FAM81B: variants seen among roughly 807,000 people sequenced by gnomAD.
The protein encoded by FAM81B is family with sequence similarity 81 member B, also known as protein FAM81B.
In FAM81B, 60 loss-of-function variants were observed where a neutral mutation model predicts 58.7. The ratio of observed to expected loss-of-function variants is 1.02; its 90% confidence interval spans 0.83 to 1.27. FAM81B has a LOEUF of 1.27. Among genes scored for constraint, FAM81B ranks in the 50% most tolerant of loss-of-function variants. FAM81B has a pLI of 0.00. For synonymous variants in FAM81B, 189 were observed against 179.6 expected (o/e 1.05, Z -0.42); for missense variants, 491 against 522.0 (o/e 0.94, Z 0.58).
chr5:95,409,634 C>CT (rs1476626401), intron 3 of FAM81B, among the ~76,000 whole-genome samples: 1 of 152,118 alleles, frequency 6.6e-6, no homozygotes, highest in African/African-American at 2.4e-5. Flanking sequence ...GCATGAGCCC[C>CT]TCTTCTTCCT....
At chr5:95,426,678 T>C (rs888059540) in intron 5 of FAM81B, among the ~76,000 whole-genome samples, 16 of 152,190 alleles carry the variant, frequency 1.1e-4, no homozygotes, top group African/African-American at 3.9e-4. Flanking sequence ...AGACAAGTTG[T>C]ACAACTGTAT....
chr5:95,426,220 A>G (rs1454074537), intron 5 of FAM81B, among the ~76,000 whole-genome samples: 3 of 151,636 alleles, frequency 2.0e-5, no homozygotes, highest in African/African-American at 7.3e-5. Flanking sequence ...GAAAGAGCTT[A>G]ACTTTCCTCT....
In FAM81B at chr5:95,391,384, G is replaced by A. The variant is rs749203848; in HGVS notation, c.-6G>A. The A allele has an allele frequency of 6.2e-7, 1 of 1,612,088 alleles. No homozygotes were observed. The highest frequency in any genetic ancestry group is 8.5e-7 in the Non-Finnish European group (1 of 1,178,944). On this transcript the variant is annotated 5_prime_UTR_variant, in exon 1 of 10. Transcript: ENST00000283357. Reference sequence around the variant, plus strand: ...AGGCCCCAGAAACAGGAAGACCTTAGTTAGGATGCAATTACAATTCCTTGG... The same window carrying A: ...AGGCCCCAGAAACAGGAAGACCTTAATTAGGATGCAATTACAATTCCTTGG...
chr5:95,450,063 TA>T, intron 9 of FAM81B, 85 bp from the exon 10 acceptor site: 1 of 1,410,474 alleles, frequency 7.1e-7, no homozygotes. Flanking sequence ...GATAATCAAT[TA>T]TGGCAGGACT....
Position 95,414,149 on chromosome 5 carries a change from A to G in FAM81B, c.496A>G (p.Thr166Ala), listed in dbSNP as rs912928245. The G allele has an allele frequency of 6.2e-7, 1 of 1,613,958 alleles. No individual in the cohort carries two copies. The highest frequency in any genetic ancestry group is 2.2e-5 in the East Asian group (1 of 44,876). The change falls in exon 4 of 10, where the codon ACC becomes GCC. Residue 166 changes from threonine to alanine, a missense_variant. Physicochemically the swap from Thr to Ala is moderately conservative, Grantham distance 58. Coordinates refer to ENST00000283357, the MANE Select transcript of FAM81B (RefSeq NM_152548.3). ...ARKLLESHIQ[T>A]ITSIVKKLSQ... The stretch of plus-strand genomic sequence containing the variant: ...GAAGTTACTGGAAAGCCACATCCAG[A>G]CCATCACCAGCATCGTCAAAAAACT...
At chr5:95,410,520 A>C (rs1228601184) in intron 3 of FAM81B, among the ~76,000 whole-genome samples, 1 of 152,202 alleles carries the variant, frequency 6.6e-6, no homozygotes, top group Admixed American at 6.5e-5. Context: ...TATTGGCCTA[A>C]AGCAAATAGT....
chr5:95,392,795 T>C lies in FAM81B; in HGVS notation c.126T>C (p.Asp42=), dbSNP rs762425627. ...KAGKASIMSS[D]TNVNKSASPT... ...TGATTCAGCATTCTGGTTACCTAGA[T>C]ACAAATGTAAACAAAAGTGCCTCTC... The change falls in exon 2 of 10, where the codon GAT becomes GAC. Residue 42 remains aspartate, a splice_region_variant and synonymous_variant. Coordinates refer to ENST00000283357, the MANE Select transcript of FAM81B (RefSeq NM_152548.3). 1.2e-6 allele frequency: 2 copies of C among 1,607,582 alleles called. No individual in the cohort carries two copies. Among genetic ancestry groups the C allele is most frequent in the South Asian group, 2.2e-5 (2 of 89,836 alleles).
intron 6 of FAM81B, among the ~76,000 whole-genome samples, chr5:95,435,881 T>C (rs1745078679): frequency 6.6e-6 from 1 of 152,200 alleles, no homozygotes; most frequent in Admixed American, 6.5e-5. Flanking sequence ...CTGTTTTAAG[T>C]GTATCTTTCT....
Position 95,413,932 on chromosome 5 carries a change from C to G in FAM81B, c.294-15C>G. The G allele has an allele frequency of 6.2e-7, 1 of 1,603,216 alleles. No homozygotes were observed. The highest frequency in any genetic ancestry group is 8.5e-7 in the Non-Finnish European group (1 of 1,175,142). On this transcript the variant is annotated splice_polypyrimidine_tract_variant and intron_variant, in intron 3 of 9. Coordinates refer to ENST00000283357, the MANE Select transcript of FAM81B (RefSeq NM_152548.3). ...TTGTAATGCCCTGGTGTTTCCTTTT[C>G]CTTTTTCTGATCAGGAGTCATGCTT...
At position 95,392,801 on chromosome 5, in the gene FAM81B, T is replaced by C. The variant is rs1261339928; in HGVS notation, c.132T>C (p.Asn44=). Residue 44 remains asparagine (N), a synonymous_variant, in exon 2 of 10, where the codon AAT becomes AAC. Transcript: ENST00000283357. The part of the protein sequence containing the change: ...GKASIMSSDT[N]VNKSASPTAT... The stretch of plus-strand genomic sequence containing the variant: ...AGCATTCTGGTTACCTAGATACAAA[T>C]GTAAACAAAAGTGCCTCTCCAACTG... The C allele has an allele frequency of 1.2e-6, 2 of 1,608,968 alleles. No individual in the cohort carries two copies. The highest frequency in any genetic ancestry group is 1.1e-5 in the South Asian group (1 of 89,998).
intron 3 of FAM81B, among the ~76,000 whole-genome samples, chr5:95,407,917 TCA>T (rs1762303163): frequency 6.6e-6 from 1 of 152,332 alleles, no homozygotes; most frequent in South Asian, 2.1e-4. Flanking sequence ...AATATTTATC[TCA>T]CAGTTTCTCA....
chr5:95,405,754 G>A (rs1244899952), intron 3 of FAM81B, among the ~76,000 whole-genome samples: 1 of 152,162 alleles, frequency 6.6e-6, no homozygotes, highest in African/African-American at 2.4e-5. Flanking sequence ...CAGGGGTGGG[G>A]TGTGGATGAG....
chr5:95,391,541 A>C (rs746069736), intron 1 of FAM81B, 28 bp downstream of exon 1: 106 of 1,579,940 alleles, frequency 6.7e-5, no homozygotes, highest in Non-Finnish European at 8.4e-5. Context: ...GAGGTCTCTA[A>C]ATTTCTCCTA....
At chr5:95,441,455 G>T (rs907255715) in intron 7 of FAM81B, among the ~76,000 whole-genome samples, 7 of 151,976 alleles carry the variant, frequency 4.6e-5, no homozygotes, top group Non-Finnish European at 8.8e-5. Flanking sequence ...TGTAGTCCCA[G>T]CTACTCGGGA....
At chr5:95,439,502 T>C (rs1237355741) in intron 7 of FAM81B, among the ~76,000 whole-genome samples, 1 of 151,866 alleles carries the variant, frequency 6.6e-6, no homozygotes, top group Non-Finnish European at 1.5e-5. Context: ...ATTTTTGTCA[T>C]TGTCTTATCA....
intron 6 of FAM81B, among the ~76,000 whole-genome samples, chr5:95,432,886 C>A (rs1744957946): frequency 1.3e-5 from 2 of 151,972 alleles, no homozygotes; most frequent in African/African-American, 4.8e-5. Context: ...TCCAATTTCA[C>A]CTTTTATCTT....
intron 5 of FAM81B, among the ~76,000 whole-genome samples, chr5:95,421,199 A>G (rs1252445532): frequency 6.6e-6 from 1 of 152,200 alleles, no homozygotes; most frequent in East Asian, 1.9e-4. Flanking sequence ...TTTACAGTCT[A>G]CCAGGAAAAA....
At position 95,450,426 on chromosome 5, in the gene FAM81B, G is replaced by A; in HGVS notation, c.*144G>A. On this transcript the variant is annotated 3_prime_UTR_variant, in exon 10 of 10. Transcript: ENST00000283357. ...ACGAATGTACCAGAAAAATAATAAA[G>A]CAAAGAAGCTTCGGATGTCTTGAAT... is the stretch of plus-strand genomic sequence containing the variant. 1 of 1,377,680 alleles carries A rather than the reference G, an allele frequency of 7.3e-7. No individual in the cohort carries two copies. Among genetic ancestry groups the A allele is most frequent in the South Asian group, 1.4e-5 (1 of 69,136 alleles). The allele number at this position is 1,377,680 out of a possible 1,614,324, so 85.3% of individuals were successfully genotyped here.
At chr5:95,437,380 C>T (rs1582824030) in intron 7 of FAM81B, among the ~76,000 whole-genome samples, 1 of 152,292 alleles carries the variant, frequency 6.6e-6, no homozygotes, top group East Asian at 1.9e-4. Flanking sequence ...GAGTCTCGCT[C>T]TGTCGCCCAG....
Sources: allele counts gnomAD v4.1 joint callset (sites outside exome capture counted in the v4.1 genomes callset), GRCh38; gene constraint gnomAD v4.1.1; transcripts MANE v1.5; gene names NCBI Gene and HGNC (gene_info 2026-07-23, HGNC 2026-07-21).